The following ERBB4 variants were observed in gnomAD, a reference collection of about 807,000 sequenced individuals.
ERBB4 encodes erb-b2 receptor tyrosine kinase 4.
In ERBB4, 42 loss-of-function variants were observed where a neutral mutation model predicts 158.0. The ratio of observed to expected loss-of-function variants is 0.27; its 90% CI spans 0.21 to 0.34. The LOEUF is 0.34. Among genes scored for constraint, ERBB4 ranks in the 10% least tolerant of loss-of-function variants. The probability of loss-of-function intolerance (pLI) is 1.00; values close to 1 mark genes in which losing one functional copy is unlikely to be tolerated. For missense variants in ERBB4, 1,333 were observed against 1,624.1 expected (o/e 0.82, Z 3.08); for synonymous variants, 583 against 558.7 (o/e 1.04, Z -0.61).
chr2:211,689,111 T>C (rs1243853533), intron 12 of ERBB4, among the ~76,000 whole-genome samples: 3 of 152,194 alleles, frequency 2.0e-5, no homozygotes, highest in Non-Finnish European at 4.4e-5. Context: ...TTTGAACCAA[T>C]AGCAATAGTG....
At chr2:212,150,791 A>G (rs1011340964) in intron 1 of ERBB4, among the ~76,000 whole-genome samples, 1 of 152,218 alleles carries the variant, frequency 6.6e-6, no homozygotes, top group African/African-American at 2.4e-5. Flanking sequence ...ATGCAGTAGA[A>G]TAACAATTAT....
chr2:212,206,625 T>C (rs953496675), intron 1 of ERBB4, among the ~76,000 whole-genome samples: 2 of 147,450 alleles, frequency 1.4e-5, no homozygotes, highest in African/African-American at 5.2e-5. Flanking sequence ...TCTCGCTCTT[T>C]TGCCCAGGCC....
In ERBB4 at chr2:211,767,672, C is replaced by A. The variant is rs577850828; in HGVS notation, c.557-16968G>T. 9.2e-5 allele frequency among the ~76,000 whole-genome samples: 14 copies of A among 152,172 alleles called. No individual in the cohort carries two copies. In the South Asian group the frequency reaches 2.9e-3, roughly 32 times the overall value. On this transcript the variant is annotated intron_variant, in intron 4 of 27. Coordinates refer to ENST00000342788, the MANE Select transcript of ERBB4 (RefSeq NM_005235.3). ...AAGAATGAGCAGAAGGAGAAAAGCC[C>A]CTTATAAAACCATCAGATCTTGTAA...
At position 212,063,661 on chromosome 2, in the gene ERBB4, A is replaced by G. The variant is rs537961107; in HGVS notation, c.234+61091T>C. ...GAACATAATAATTTAAAATTTAGGG[A>G]TGGCAAAAACAAACGTAAAAATTAA... On this transcript the variant is annotated intron_variant, in intron 2 of 27. Transcript: ENST00000342788. Among the ~76,000 whole-genome samples the G allele has an allele frequency of 2.6e-5, 4 of 152,308 alleles. No homozygotes were observed. In the South Asian group the frequency reaches 8.3e-4, roughly 32 times the overall value.
intron 3 of ERBB4, among the ~76,000 whole-genome samples, chr2:211,866,993 C>T (rs75711559): frequency 0.015 from 1,922 of 124,636 alleles, 58 homozygotes; most frequent in African/African-American, 0.058. Context: ...CTTGCCCCTT[C>T]TTGCCTATTA....
chr2:212,436,967 G>C (rs1479134863), intron 1 of ERBB4, among the ~76,000 whole-genome samples: 2 of 151,932 alleles, frequency 1.3e-5, no homozygotes, highest in Non-Finnish European at 2.9e-5. Flanking sequence ...TTGGAGACTA[G>C]GTAAACCAGA....
chr2:211,756,411 G>A (rs570551003), intron 4 of ERBB4, among the ~76,000 whole-genome samples: 4 of 152,270 alleles, frequency 2.6e-5, no homozygotes, highest in African/African-American at 9.6e-5. Flanking sequence ...ATAATGAGTA[G>A]TTTAGGGTTT....
chr2:211,772,946 T>TAC lies in ERBB4; in HGVS notation c.556+15078_556+15079insGT, dbSNP rs1399949266. ...ACACATATATATATATATATATATATATATATATATTTTTTTTTTTAAAGA... is the reference window on the plus strand; with the variant it reads ...ACACATATATATATATATATATATATACATATATATATTTTTTTTTTTAAAGA... On this transcript the variant is annotated intron_variant, in intron 4 of 27. Coordinates refer to ENST00000342788, the MANE Select transcript of ERBB4 (RefSeq NM_005235.3). 2.4e-3 allele frequency among the ~76,000 whole-genome samples: 206 copies of TAC among 85,502 alleles called. 8 individuals are homozygous for TAC. The Middle Eastern group carries it at 0.03, about 13-fold the overall frequency. The allele number at this position is 85,502 out of a possible 152,430, so 56.1% of individuals were successfully genotyped here. A position where few individuals can be genotyped will look rare whatever the true frequency, so the allele number is the denominator to read the frequency against.
chr2:211,904,163 A>T (rs1299586020), intron 3 of ERBB4, among the ~76,000 whole-genome samples: 1 of 152,110 alleles, frequency 6.6e-6, no homozygotes, highest in Non-Finnish European at 1.5e-5. Flanking sequence ...AGTCTGATGC[A>T]GGTGCATGTT....
intron 20 of ERBB4, among the ~76,000 whole-genome samples, chr2:211,555,820 G>A (rs1416183255): frequency 6.6e-6 from 1 of 152,178 alleles, no homozygotes; most frequent in African/African-American, 2.4e-5. Context: ...GCTCCTGAAG[G>A]AGGCACTAAA....
At chr2:211,466,347 T>A (rs2064687969) in intron 20 of ERBB4, among the ~76,000 whole-genome samples, 2 of 139,658 alleles carry the variant, frequency 1.4e-5, no homozygotes, top group Admixed American at 1.4e-4. Context: ...TTTTTTTTTT[T>A]TTAAAAAAAA....
chr2:212,445,279 G>T (rs932103246), intron 1 of ERBB4, among the ~76,000 whole-genome samples: 4 of 152,070 alleles, frequency 2.6e-5, no homozygotes, highest in Admixed American at 1.3e-4. Context: ...CCATAGCCAG[G>T]ATTCACGGGT....
At chr2:211,431,540 G>T (rs1228768258) in intron 20 of ERBB4, among the ~76,000 whole-genome samples, 1 of 152,054 alleles carries the variant, frequency 6.6e-6, no homozygotes, top group African/African-American at 2.4e-5. Context: ...ATAATTTTTA[G>T]AAATATTTCA....
intron 15 of ERBB4, among the ~76,000 whole-genome samples, chr2:211,659,251 T>G (rs897005827): frequency 6.6e-6 from 1 of 152,080 alleles, no homozygotes; most frequent in African/African-American, 2.4e-5. Flanking sequence ...TGTTTTTGTT[T>G]GGAGTAGCGC....
At chr2:212,486,224 T>TG (rs1446266495) in intron 1 of ERBB4, among the ~76,000 whole-genome samples, 1 of 151,972 alleles carries the variant, frequency 6.6e-6, no homozygotes. Flanking sequence ...TTAAAGTAAC[T>TG]GGGGGTGTAT....
chr2:212,524,718 G>T (rs1459621767), intron 1 of ERBB4, among the ~76,000 whole-genome samples: 1 of 151,926 alleles, frequency 6.6e-6, no homozygotes, highest in Non-Finnish European at 1.5e-5. Flanking sequence ...TAAAACAGGT[G>T]TCTATGCTGT....
chr2:211,990,558 G>A (rs1180748980), intron 2 of ERBB4, among the ~76,000 whole-genome samples: 1 of 139,384 alleles, frequency 7.2e-6, no homozygotes, highest in African/African-American at 2.6e-5. Flanking sequence ...AAATAAATAA[G>A]GACCATTCAG....
intron 1 of ERBB4, among the ~76,000 whole-genome samples, chr2:212,504,540 G>A (rs1691079325): frequency 6.6e-6 from 1 of 151,854 alleles, no homozygotes; most frequent in African/African-American, 2.4e-5. Context: ...AGGAAGAAAA[G>A]CATGAACAAA....
At chr2:212,014,947 C>G (rs1027320038) in intron 2 of ERBB4, among the ~76,000 whole-genome samples, 1 of 148,550 alleles carries the variant, frequency 6.7e-6, no homozygotes, top group African/African-American at 2.5e-5. Flanking sequence ...AATCGCAGCA[C>G]TTTGGGAGGC....
Sources: allele counts gnomAD v4.1 joint callset (sites outside exome capture counted in the v4.1 genomes callset), GRCh38; gene constraint gnomAD v4.1.1; transcripts MANE v1.5; gene names NCBI Gene and HGNC (gene_info 2026-07-23, HGNC 2026-07-21).